ADAMTS18: variants seen among roughly 807,000 people sequenced by gnomAD.
ADAMTS18 encodes ADAM metallopeptidase with thrombospondin type 1 motif 18.
In ADAMTS18, 157 loss-of-function variants were observed where a neutral mutation model predicts 165.9. That is an observed-to-expected ratio of 0.95 (90% CI 0.83 to 1.08). The LOEUF (loss-of-function observed/expected upper bound fraction) is 1.08, where lower values mean the gene tolerates loss of function less well. Ranked by LOEUF, ADAMTS18 falls within the 50% of genes least tolerant of loss-of-function variation. The probability of loss-of-function intolerance (pLI) is 0.00; values close to 1 mark genes in which losing one functional copy is unlikely to be tolerated. For synonymous variants in ADAMTS18, 782 were observed against 578.2 expected (o/e 1.35, Z -5.06); for missense variants, 2,040 against 1,534.0 (o/e 1.33, Z -5.51).
At chr16:77,341,925 G>A (rs2056404673) in intron 10 of ADAMTS18, 126 bp from the exon 11 acceptor site, 1 of 768,816 alleles carries the variant, frequency 1.3e-6, no homozygotes, top group Non-Finnish European at 2.1e-6. Flanking sequence ...TCAGAAAGTA[G>A]AGGCCAGTGA....
chr16:77,426,365 G>T (rs1436736757), intron 3 of ADAMTS18, among the ~76,000 whole-genome samples: 3 of 152,036 alleles, frequency 2.0e-5, no homozygotes, highest in Admixed American at 1.3e-4. Context: ...AATTTCATTG[G>T]CCAAAGAAGT....
At chr16:77,300,034 T>C in intron 17 of ADAMTS18, 2 of 502,160 alleles carry the variant, frequency 4.0e-6, no homozygotes, top group Non-Finnish European at 7.1e-6. Flanking sequence ...TTTAGATGTG[T>C]AACTTTTGAG....
chr16:77,406,612 T>C (rs1173202427), intron 3 of ADAMTS18, among the ~76,000 whole-genome samples: 2 of 152,074 alleles, frequency 1.3e-5, no homozygotes, highest in African/African-American at 4.8e-5. Flanking sequence ...TTACCAGGTA[T>C]ATACCCAAAG....
intron 3 of ADAMTS18, among the ~76,000 whole-genome samples, chr16:77,414,447 T>G (rs1472920648): frequency 6.6e-6 from 1 of 152,270 alleles, no homozygotes; most frequent in Non-Finnish European, 1.5e-5. Context: ...TGCCGATTAT[T>G]ATTTTGAAAT....
chr16:77,423,682 T>A (rs2057633514), intron 3 of ADAMTS18, among the ~76,000 whole-genome samples: 1 of 152,190 alleles, frequency 6.6e-6, no homozygotes, highest in Non-Finnish European at 1.5e-5. Context: ...TCATCATACA[T>A]GAATTGATGC....
chr16:77,431,796 G>T, intron 2 of ADAMTS18, 185 bp from the exon 3 acceptor site: 1 of 656,528 alleles, frequency 1.5e-6, no homozygotes, highest in South Asian at 1.8e-5. Flanking sequence ...AACTAACTCG[G>T]CCACAGTCAT....
At chr16:77,390,294 T>C (rs967561854) in intron 3 of ADAMTS18, among the ~76,000 whole-genome samples, 19 of 152,146 alleles carry the variant, frequency 1.2e-4, no homozygotes, top group Non-Finnish European at 2.4e-4. Context: ...CTACTGGTAA[T>C]ATGTGGAGAA....
chr16:77,432,840 A>G (rs754142659), intron 2 of ADAMTS18, among the ~76,000 whole-genome samples: 7 of 151,822 alleles, frequency 4.6e-5, no homozygotes. Flanking sequence ...TGGCCTAATT[A>G]GGCTCACATT....
intron 3 of ADAMTS18, among the ~76,000 whole-genome samples, chr16:77,372,417 T>C (rs1000880346): frequency 1.3e-5 from 2 of 152,218 alleles, no homozygotes; most frequent in Non-Finnish European, 2.9e-5. Flanking sequence ...CACAATGGAA[T>C]ACTATCCAGC....
Position 77,367,564 on chromosome 16 carries a change from C to T in ADAMTS18, c.655G>A (p.Gly219Ser), listed in dbSNP as rs912591669. The T allele has an allele frequency of 2.3e-5, 37 of 1,614,184 alleles. No homozygotes were observed. In the African/African-American group the frequency reaches 2.7e-4, roughly 12 times the overall value. The change falls in exon 4 of 23, where the codon GGC (glycine) becomes AGC (serine). Residue 219 changes from glycine to serine, a missense_variant. Transcript: ENST00000282849. ...EKIQRYRGYP[G>S]SGRNYPGYSP... ...TAACCAGGATAATTCCGGCCAGAGC[C>T]GGGGTAGCCACGGTACCGCTGGATC...
Position 77,284,794 on chromosome 16 carries a change from C to G in ADAMTS18, c.3551-723G>C, listed in dbSNP as rs149417615. On this transcript the variant is annotated intron_variant, in intron 22 of 22. Transcript: ENST00000282849. Reference sequence around the variant, plus strand: ...TGTTGTACCACTAGTACCGCTGGTTCTGATTGAGAAGGGCTGTCAGAGGGG... The same window carrying G: ...TGTTGTACCACTAGTACCGCTGGTTGTGATTGAGAAGGGCTGTCAGAGGGG... Among the ~76,000 whole-genome samples, 444 of 152,168 alleles carry G rather than the reference C, an allele frequency of 2.9e-3. 4 individuals carry two copies. Among genetic ancestry groups the G allele is most frequent in the African/African-American group, 1.0e-2 (415 of 41,524 alleles).
intron 3 of ADAMTS18, among the ~76,000 whole-genome samples, chr16:77,399,361 T>C (rs956177825): frequency 2.0e-5 from 3 of 152,162 alleles, no homozygotes; most frequent in African/African-American, 7.2e-5. Flanking sequence ...ACTTAGCACC[T>C]CAATCCCCCA....
chr16:77,311,959 G>A (rs537908850), intron 16 of ADAMTS18, among the ~76,000 whole-genome samples: 6 of 152,130 alleles, frequency 3.9e-5, no homozygotes, highest in African/African-American at 1.4e-4. Context: ...TGTATTACTG[G>A]AGATATTGCT....
At chr16:77,291,099 T>C (rs927266207) in intron 21 of ADAMTS18, among the ~76,000 whole-genome samples, 167 bp downstream of exon 21, 7 of 151,602 alleles carry the variant, frequency 4.6e-5, no homozygotes, top group African/African-American at 1.7e-4. Flanking sequence ...TTACAGATTG[T>C]TACCTGCCCA....
intron 16 of ADAMTS18, among the ~76,000 whole-genome samples, chr16:77,315,906 T>A (rs1012625962): frequency 6.6e-6 from 1 of 152,188 alleles, no homozygotes; most frequent in African/African-American, 2.4e-5. Flanking sequence ...CTAAGGTACA[T>A]TGCAAATATA....
At chr16:77,315,819 G>A (rs1405391238) in intron 16 of ADAMTS18, among the ~76,000 whole-genome samples, 1 of 152,140 alleles carries the variant, frequency 6.6e-6, no homozygotes, top group Non-Finnish European at 1.5e-5. Flanking sequence ...GAACTGATTT[G>A]CATATTCATT....
chr16:77,431,795 G>T (rs962016469), intron 2 of ADAMTS18, 184 bp from the exon 3 acceptor site: 2 of 658,572 alleles, frequency 3.0e-6, no homozygotes, highest in Non-Finnish European at 5.3e-6. Context: ...CAACTAACTC[G>T]GCCACAGTCA....
At chr16:77,347,100 T>C (rs1047115791) in intron 10 of ADAMTS18, among the ~76,000 whole-genome samples, 3 of 152,240 alleles carry the variant, frequency 2.0e-5, no homozygotes, top group African/African-American at 7.2e-5. Flanking sequence ...CAGTCATCCA[T>C]GTTTTTGTGT....
At chr16:77,317,482 C>T (rs1345060086) in intron 16 of ADAMTS18, among the ~76,000 whole-genome samples, 2 of 152,114 alleles carry the variant, frequency 1.3e-5, no homozygotes, top group Admixed American at 6.5e-5. Flanking sequence ...TACAGGCATG[C>T]GCCACCACAC....
Sources: gnomAD v4.1 joint callset for allele counts (sites outside exome capture counted in the v4.1 genomes callset) on GRCh38, gnomAD v4.1.1 for gene constraint, MANE v1.5 for transcripts, NCBI Gene and HGNC (gene_info 2026-07-23, HGNC 2026-07-21) for gene names.